KCNQ5: variants seen among roughly 807,000 people sequenced by gnomAD.
The protein encoded by KCNQ5 is potassium voltage-gated channel subfamily KQT member 5.
A neutral mutation model predicts 98.2 loss-of-function variants in KCNQ5; 30 were observed. That is an observed-to-expected ratio of 0.31 (90% CI 0.23 to 0.41). The LOEUF is 0.41. Ranked by LOEUF, KCNQ5 falls within the 10% of genes least tolerant of loss-of-function variation. The pLI, the probability that KCNQ5 is intolerant of heterozygous loss-of-function variation, is 1.00. For synonymous variants in KCNQ5, 458 were observed against 449.4 expected (o/e 1.02, Z -0.24); for missense variants, 835 against 1,182.5 (o/e 0.71, Z 4.31).
chr6:72,925,998 T>C lies in KCNQ5; in HGVS notation c.399-77910T>C, dbSNP rs1388397703. The stretch of plus-strand genomic sequence containing the variant: ...AATGTTGCATAAAGATTACTCTATC[T>C]ACCTTTGTGAAAACGACATAAGAAT... On this transcript the variant is annotated intron_variant, in intron 1 of 13. Coordinates refer to ENST00000370398, the MANE Select transcript of KCNQ5 (RefSeq NM_019842.4). Among the ~76,000 whole-genome samples, 3 of 152,212 alleles carry C rather than the reference T, an allele frequency of 2.0e-5. No individual in the cohort carries two copies. The East Asian group carries it at 5.8e-4, about 29-fold the overall frequency.
At chr6:72,770,311 T>C (rs746378201) in intron 1 of KCNQ5, among the ~76,000 whole-genome samples, 6 of 152,102 alleles carry the variant, frequency 3.9e-5, no homozygotes, top group Non-Finnish European at 8.8e-5. Context: ...TCAGTAAGCA[T>C]TGGGAAACAT....
chr6:72,649,514 A>G (rs997643699), intron 1 of KCNQ5, among the ~76,000 whole-genome samples: 2 of 152,188 alleles, frequency 1.3e-5, no homozygotes, highest in African/African-American at 4.8e-5. Context: ...AAGAGTTTGT[A>G]CAACTCAGTG....
At chr6:72,655,436 A>C (rs1766139760) in intron 1 of KCNQ5, among the ~76,000 whole-genome samples, 2 of 152,150 alleles carry the variant, frequency 1.3e-5, no homozygotes, top group Admixed American at 1.3e-4. Flanking sequence ...AATGGCTATG[A>C]AGATTCCAAG....
chr6:72,690,781 G>T (rs917041717), intron 1 of KCNQ5, among the ~76,000 whole-genome samples: 4 of 151,226 alleles, frequency 2.6e-5, no homozygotes, highest in Non-Finnish European at 5.9e-5. Context: ...TAGTGAAACT[G>T]TATGTGTTCT....
intron 1 of KCNQ5, among the ~76,000 whole-genome samples, chr6:72,847,888 A>T (rs550467703): frequency 6.6e-6 from 1 of 152,308 alleles, no homozygotes. Flanking sequence ...CCTTCCTTAG[A>T]TCGGGAAAGC....
chr6:72,627,593 C>A (rs952893761), intron 1 of KCNQ5, among the ~76,000 whole-genome samples: 1 of 152,152 alleles, frequency 6.6e-6, no homozygotes, highest in Admixed American at 6.5e-5. Flanking sequence ...TGCTAAGAGT[C>A]ATAAATATGA....
rs377082721 is a variant in KCNQ5, at chr6:72,739,414, G to GA, written c.398+116834dup. Among the ~76,000 whole-genome samples, 90 of 152,020 alleles carry GA rather than the reference G, an allele frequency of 5.9e-4. 1 individual carries two copies. In the East Asian group the frequency reaches 0.01, roughly 18 times the overall value. On this transcript the variant is annotated intron_variant, in intron 1 of 13. Coordinates refer to ENST00000370398, the MANE Select transcript of KCNQ5 (RefSeq NM_019842.4). ...TATGGGGGCCAACACAGAAGACATG[G>GA]AAAAAAATCTTAAATTTTACCACAT...
intron 2 of KCNQ5, among the ~76,000 whole-genome samples, chr6:73,034,144 C>A (rs1013180102): frequency 6.6e-6 from 1 of 152,184 alleles, no homozygotes; most frequent in African/African-American, 2.4e-5. Flanking sequence ...TTCCAAATTA[C>A]ATAGAATTAT....
chr6:72,703,097 A>G (rs920716779), intron 1 of KCNQ5, among the ~76,000 whole-genome samples: 2 of 152,134 alleles, frequency 1.3e-5, no homozygotes, highest in African/African-American at 4.8e-5. Context: ...GGCTCCTCAC[A>G]ACCAGCCTAT....
At chr6:72,717,710 A>C (rs1285198980) in intron 1 of KCNQ5, among the ~76,000 whole-genome samples, 2 of 152,196 alleles carry the variant, frequency 1.3e-5, no homozygotes, top group Admixed American at 6.5e-5. Flanking sequence ...TTAGTTTAGA[A>C]TCGCTCTCCA....
At chr6:72,662,178 CTTATT>C (rs564297066) in intron 1 of KCNQ5, among the ~76,000 whole-genome samples, 22 of 152,132 alleles carry the variant, frequency 1.4e-4, no homozygotes, top group African/African-American at 5.1e-4. Flanking sequence ...TATCTTAAAC[CTTATT>C]TTTTGGTGCA....
intron 1 of KCNQ5, among the ~76,000 whole-genome samples, chr6:72,735,152 C>A (rs976001273): frequency 6.6e-6 from 1 of 152,124 alleles, no homozygotes; most frequent in Admixed American, 6.5e-5. Context: ...CAAAAAAACT[C>A]TTTTCTTAGA....
intron 1 of KCNQ5, among the ~76,000 whole-genome samples, chr6:72,634,596 C>T (rs890078110): frequency 5.3e-5 from 8 of 152,156 alleles, no homozygotes; most frequent in Non-Finnish European, 8.8e-5. Flanking sequence ...GACAGAGAGT[C>T]ACTCTGTTGC....
chr6:73,146,311 T>G (rs1313539980), intron 10 of KCNQ5, among the ~76,000 whole-genome samples: 1 of 152,174 alleles, frequency 6.6e-6, no homozygotes, highest in Non-Finnish European at 1.5e-5. Flanking sequence ...GATGAAGTAC[T>G]GTTTTAGCTT....
chr6:72,659,951 A>G (rs913041941), intron 1 of KCNQ5, among the ~76,000 whole-genome samples: 1 of 152,010 alleles, frequency 6.6e-6, no homozygotes, highest in Non-Finnish European at 1.5e-5. Flanking sequence ...CACCTTCTCC[A>G]CTTTCATCTT....
intron 1 of KCNQ5, chr6:72,806,890 G>C (rs991862804): frequency 2.4e-6 from 1 of 423,404 alleles, no homozygotes; most frequent in Non-Finnish European, 4.6e-6. Context: ...GAATAAGATC[G>C]ACAAACAGCT....
chr6:73,145,259 C>A (rs535250746), intron 10 of KCNQ5, among the ~76,000 whole-genome samples: 1 of 152,162 alleles, frequency 6.6e-6, no homozygotes, highest in African/African-American at 2.4e-5. Flanking sequence ...AGCCATTTTG[C>A]AGATAAGGAA....
chr6:72,832,668 C>T (rs1033594981), intron 1 of KCNQ5, among the ~76,000 whole-genome samples: 8 of 152,212 alleles, frequency 5.3e-5, no homozygotes, highest in Non-Finnish European at 1.0e-4. Context: ...GAACCAAATA[C>T]GCTCTCCCAC....
At chr6:72,874,834 G>A (rs945172801) in intron 1 of KCNQ5, among the ~76,000 whole-genome samples, 3 of 152,234 alleles carry the variant, frequency 2.0e-5, no homozygotes, top group South Asian at 2.1e-4. Flanking sequence ...GCACAAAAGC[G>A]TAAAATGATT....
Sources: gnomAD v4.1 joint callset for allele counts (sites outside exome capture counted in the v4.1 genomes callset) on GRCh38, gnomAD v4.1.1 for gene constraint, MANE v1.5 for transcripts, NCBI Gene and HGNC (gene_info 2026-07-23, HGNC 2026-07-21) for gene names.